The following IBA57 variants were observed in gnomAD, a reference collection of about 807,000 sequenced individuals.
IBA57 encodes the protein iron-sulfur cluster assembly factor IBA57, mitochondrial.
Under a neutral mutation model 20.4 loss-of-function variants are expected in IBA57, and 20 were observed. That is an observed-to-expected ratio of 0.98 (90% CI 0.69 to 1.42). IBA57 has a LOEUF of 1.42. IBA57 is among the 40% of genes most tolerant of loss of function. IBA57 has a pLI of 0.00. For synonymous variants in IBA57, 310 were observed against 233.9 expected, an observed-to-expected ratio of 1.33 and a Z score of -2.97; for missense variants, 608 against 499.3, an observed-to-expected ratio of 1.22 and a Z score of -2.07.
At position 228,174,778 on chromosome 1, in the gene IBA57, A is replaced by T; in HGVS notation, c.428A>T (p.Tyr143Phe). 6.2e-7 allele frequency: 1 copy of T among 1,610,510 alleles called. No homozygotes were observed. Among genetic ancestry groups the T allele is most frequent in the Non-Finnish European group, 8.5e-7 (1 of 1,179,568 alleles). Residue 143 changes from tyrosine (Y) to phenylalanine (F), a missense_variant, in exon 2 of 3, where the codon TAC (tyrosine) becomes TTC (phenylalanine). Tyr to Phe is a conservative substitution (Grantham distance 22). Coordinates refer to ENST00000366711, the MANE Select transcript of IBA57 (RefSeq NM_001010867.4). Reference protein sequence around the residue: ...QGALQKHLALYRIRRKVTVEP... With the variant: ...QGALQKHLALFRIRRKVTVEP... ...GCGCTGCAGAAGCACCTCGCGCTAT[A>T]CAGGATCCGGCGGAAGGTCACGGTG...
chr1:228,175,049 G>C lies in IBA57; in HGVS notation c.679+20G>C. The C allele has an allele frequency of 6.4e-7, 1 of 1,562,370 alleles. No homozygotes were observed. Among genetic ancestry groups the C allele is most frequent in the African/African-American group, 1.3e-5 (1 of 74,076 alleles). On this transcript the variant is annotated intron_variant, in intron 2 of 2. Transcript: ENST00000366711. ...TGCAAGGTATGGGTGGGGTGGGCAC[G>C]CTGGGCTGGATTGCACGGGTGGAGC...
In IBA57 at chr1:228,165,941, C is replaced by G; in HGVS notation, c.125C>G (p.Pro42Arg). Residue 42 changes from proline (P) to arginine (R), a missense_variant, in exon 1 of 3, where the codon CCA (proline) becomes CGA (arginine). Pro to Arg is a moderately radical substitution (Grantham distance 103). Transcript: ENST00000366711. ...AGCTCCTGCAGTCCTGGTGGCGACC[C>G]AACGGCCGGAGCGGCCTGGGCCTGC... ...AHSSCSPGGD[P>R]TAGAAWACFR... 1 of 1,502,586 alleles carries G rather than the reference C, an allele frequency of 6.7e-7. No individual in the cohort carries two copies. The highest frequency in any genetic ancestry group is 8.8e-7 in the Non-Finnish European group (1 of 1,133,230). 93.1% of individuals were successfully genotyped at this position (1,502,586 alleles called of 1,614,324 possible). A position where few individuals can be genotyped will look rare whatever the true frequency, so the allele number is the denominator to read the frequency against.
At position 228,181,056 on chromosome 1, in the gene IBA57, T is replaced by C. The variant is rs1199414631; in HGVS notation, c.*5543T>C. 1.3e-5 allele frequency: 2 copies of C among 152,188 alleles called. No homozygotes were observed. Among genetic ancestry groups the C allele is most frequent in the Admixed American group, 6.6e-5 (1 of 15,266 alleles). The allele number at this position is 152,188 out of a possible 1,614,324, so 9.4% of individuals were successfully genotyped here. A position where few individuals can be genotyped will look rare whatever the true frequency, so the allele number is the denominator to read the frequency against. On this transcript the variant is annotated 3_prime_UTR_variant, in exon 3 of 3. Transcript: ENST00000366711. ...ACTTCATGTTGAAATTGAATTGCCA[T>C]TCTAACAGTGTTAAGAGATGGGGCC...
rs577660208 is a variant in IBA57 at position 228,177,896 on chromosome 1, G to A, written c.*2383G>A. On this transcript the variant is annotated 3_prime_UTR_variant, in exon 3 of 3. Coordinates refer to ENST00000366711, the MANE Select transcript of IBA57 (RefSeq NM_001010867.4). ...CCTAAAGCGCATCGGCAGGGTCAGA[G>A]CTTTGTGTTCAGGAACACTGGGATC... 5 of 152,340 alleles carry A rather than the reference G, an allele frequency of 3.3e-5. No individual in the cohort carries two copies. The highest frequency in any genetic ancestry group is 1.2e-4 in the African/African-American group (5 of 41,572). The allele number at this position is 152,340 out of a possible 1,614,324, so 9.4% of individuals were successfully genotyped here.
At chr1:228,172,067 T>G (rs1054688934) in intron 1 of IBA57, 2 of 60,538 alleles carry the variant, frequency 3.3e-5, no homozygotes, top group Non-Finnish European at 5.8e-5. Context: ...CGAAGCTCCT[T>G]GTTTTTTTTT....
In IBA57 at chr1:228,166,970, C is replaced by T. The variant is rs530818582; in HGVS notation, c.341+813C>T. On this transcript the variant is annotated intron_variant, in intron 1 of 2. Transcript: ENST00000366711. ...GAGCTACGTGGGGTGAATTTTTGGA[C>T]TCATTGTGTCTCTGCTAGTGGCTTT... 5.9e-5 allele frequency among the ~76,000 whole-genome samples: 9 copies of T among 152,278 alleles called. No individual in the cohort carries two copies. In the South Asian group the frequency reaches 1.9e-3, roughly 32 times the overall value.
Position 228,175,269 on chromosome 1 carries a change from G to T in IBA57, c.827G>T (p.Arg276Leu), listed in dbSNP as rs1245306816. ...CGCACCCACCACATGGGCGTCATCC[G>T]CAAGCGCCTCTTCCCTGTCCGGTTC... ...TARTHHMGVI[R>L]KRLFPVRFLD... Residue 276 changes from arginine (R) to leucine (L), a missense_variant, in exon 3 of 3, where the codon CGC (arginine) becomes CTC (leucine). By Grantham distance (102) the Arg-to-Leu change is moderately radical. Coordinates refer to ENST00000366711, the MANE Select transcript of IBA57 (RefSeq NM_001010867.4). 1.9e-6 allele frequency: 3 copies of T among 1,612,814 alleles called. No individual in the cohort carries two copies. The highest frequency in any genetic ancestry group is 2.5e-6 in the Non-Finnish European group (3 of 1,179,996).
rs148398789 is a variant in IBA57 at position 228,174,812 on chromosome 1, C to T, written c.462C>T (p.His154=). ...RIRRKVTVEP[H]PELRVWAVLP... ...GGCGGAAGGTCACGGTGGAGCCGCA[C>T]CCGGAGCTGCGAGTGTGGGCGGTGT... The change falls in exon 2 of 3, where the codon CAC becomes CAT. Residue 154 remains histidine, a synonymous_variant. Coordinates refer to ENST00000366711, the MANE Select transcript of IBA57 (RefSeq NM_001010867.4). The T allele has an allele frequency of 1.1e-3, 1,746 of 1,610,648 alleles. 20 individuals carry two copies. The African/African-American group carries it at 0.021, about 20-fold the overall frequency.
Position 228,166,173 on chromosome 1 carries a change from G to A in IBA57, c.341+16G>A, listed in dbSNP as rs1373146202. ...TCTTGTACGGGTGAGCGCGTGCTGG[G>A]AGGGCGCTCGGGGGCGGGCACCCAG... On this transcript the variant is annotated intron_variant, in intron 1 of 2. Coordinates refer to ENST00000366711, the MANE Select transcript of IBA57 (RefSeq NM_001010867.4). The A allele has an allele frequency of 4.2e-6, 6 of 1,439,040 alleles. No individual in the cohort carries two copies. The highest frequency in any genetic ancestry group is 3.7e-6 in the Non-Finnish European group (4 of 1,090,178). 89.1% of individuals were successfully genotyped at this position (1,439,040 alleles called of 1,614,324 possible).
intron 1 of IBA57, among the ~76,000 whole-genome samples, chr1:228,174,194 T>TGCGTGTG (rs1346588673): frequency 6.2e-5 from 3 of 48,136 alleles, no homozygotes; most frequent in African/African-American, 1.9e-4. Flanking sequence ...CGTGGCTCGC[T>TGCGTGTG]GTGGGCGTGG....
At chr1:228,168,805 C>T (rs1281692351) in intron 1 of IBA57, among the ~76,000 whole-genome samples, 1 of 152,120 alleles carries the variant, frequency 6.6e-6, no homozygotes, top group Non-Finnish European at 1.5e-5. Context: ...ACGTCACAGG[C>T]CAGGGAGCTC....
intron 1 of IBA57, among the ~76,000 whole-genome samples, chr1:228,167,329 G>GTTGGA (rs1219033823): frequency 6.7e-6 from 1 of 150,024 alleles, no homozygotes; most frequent in Non-Finnish European, 1.5e-5. Context: ...AACCCCACCC[G>GTTGGA]TTGGATTCCA....
At position 228,180,671 on chromosome 1, in the gene IBA57, CAG is replaced by C. The variant is rs1257679987; in HGVS notation, c.*5161_*5162del. On this transcript the variant is annotated 3_prime_UTR_variant, in exon 3 of 3. Coordinates refer to ENST00000366711, the MANE Select transcript of IBA57 (RefSeq NM_001010867.4). ...GGGAGTGTTTTTTTTTTTTTTGAGACAGAGTCTCACTCTTGCCCAGGCTGGAG... is the reference window on the plus strand; with the variant it reads ...GGGAGTGTTTTTTTTTTTTTTGAGACAGTCTCACTCTTGCCCAGGCTGGAG... 1 of 148,222 alleles carries C rather than the reference CAG, an allele frequency of 6.7e-6. No individual in the cohort carries two copies. The highest frequency in any genetic ancestry group is 6.7e-5 in the Admixed American group (1 of 14,856). 9.2% of individuals were successfully genotyped at this position (148,222 alleles called of 1,614,324 possible).
chr1:228,172,894 T>C (rs1179358320), intron 1 of IBA57: 1 of 152,402 alleles, frequency 6.6e-6, no homozygotes, highest in Non-Finnish European at 1.5e-5. Flanking sequence ...CCCTCTGTGC[T>C]GTCCTTGCTG....
Position 228,180,529 on chromosome 1 carries a change from G to A in IBA57, c.*5016G>A, listed in dbSNP as rs6666843. ...TCAGCATCTGTTACAAGGCTTATCA[G>A]AGTTTTCAGATAATCTCTAAAAGAA... On this transcript the variant is annotated 3_prime_UTR_variant, in exon 3 of 3. Transcript: ENST00000366711. 147,622 of 152,300 alleles carry A rather than the reference G, an allele frequency of 0.97. 71,724 individuals carry two copies. The highest frequency in any genetic ancestry group is 1 in the East Asian group (5,180 of 5,180). 9.4% of individuals were successfully genotyped at this position (152,300 alleles called of 1,614,324 possible).
chr1:228,174,483 G>A (rs1277020467), intron 1 of IBA57: 1 of 397,760 alleles, frequency 2.5e-6, no homozygotes, highest in Non-Finnish European at 4.5e-6. Context: ...GTGGCTCGCT[G>A]TGGGCGTGGC....
rs2035104655 is a variant in IBA57, at chr1:228,181,094, T to G, written c.*5581T>G. The G allele has an allele frequency of 6.6e-6, 1 of 152,258 alleles. No individual in the cohort carries two copies. The highest frequency in any genetic ancestry group is 2.4e-5 in the African/African-American group (1 of 41,396). The allele number at this position is 152,258 out of a possible 1,614,324, so 9.4% of individuals were successfully genotyped here. A position where few individuals can be genotyped will look rare whatever the true frequency, so the allele number is the denominator to read the frequency against. ...AAGAGATGGGGCCTGTAAGAGGTGA[T>G]TAGGCTGTGAGGGCTCCACTCTCCA... is the stretch of plus-strand genomic sequence containing the variant. On this transcript the variant is annotated 3_prime_UTR_variant, in exon 3 of 3. Transcript: ENST00000366711.
rs935448320 is a variant in IBA57 at position 228,180,513 on chromosome 1, G to C, written c.*5000G>C. On this transcript the variant is annotated 3_prime_UTR_variant, in exon 3 of 3. Transcript: ENST00000366711. ...GGCACGGACACTGACTTCAGCATCT[G>C]TTACAAGGCTTATCAGAGTTTTCAG... The C allele has an allele frequency of 1.3e-5, 2 of 152,184 alleles. No individual in the cohort carries two copies. 9.4% of individuals were successfully genotyped at this position (152,184 alleles called of 1,614,324 possible). A position where few individuals can be genotyped will look rare whatever the true frequency, so the allele number is the denominator to read the frequency against.
rs983225702 is a variant in IBA57 at position 228,180,805 on chromosome 1, C to T, written c.*5292C>T. 3 of 151,208 alleles carry T rather than the reference C, an allele frequency of 2.0e-5. No homozygotes were observed. Among genetic ancestry groups the T allele is most frequent in the Non-Finnish European group, 4.4e-5 (3 of 67,900 alleles). The allele number at this position is 151,208 out of a possible 1,614,324, so 9.4% of individuals were successfully genotyped here. ...GGAACTACAGGTGTGAGTCATCACA[C>T]TCAGCTAATTTTTTTTTTTTTTTTT... On this transcript the variant is annotated 3_prime_UTR_variant, in exon 3 of 3. Transcript: ENST00000366711.
Sources: gnomAD v4.1 joint callset for allele counts (sites outside exome capture counted in the v4.1 genomes callset) on GRCh38, gnomAD v4.1.1 for gene constraint, MANE v1.5 for transcripts, NCBI Gene and HGNC (gene_info 2026-07-23, HGNC 2026-07-21) for gene names.